BAZ2B: variants seen among roughly 807,000 people sequenced by gnomAD.
The protein encoded by BAZ2B is bromodomain adjacent to zinc finger domain 2B.
A neutral mutation model predicts 246.0 loss-of-function variants in BAZ2B; 91 were observed. The ratio of observed to expected loss-of-function variants is 0.37; its 90% CI spans 0.31 to 0.44. BAZ2B has a LOEUF of 0.44. Among genes scored for constraint, BAZ2B ranks in the 20% least tolerant of loss-of-function variants. BAZ2B has a pLI of 1.00. For missense variants in BAZ2B, 2,332 were observed against 2,533.7 expected (o/e 0.92, Z 1.71); for synonymous variants, 855 against 860.0 (o/e 0.99, Z 0.10).
the BAZ2B span, among the ~76,000 whole-genome samples, chr2:159,634,428 T>C: frequency 1.2e-4 from 18 of 152,190 alleles, no homozygotes; most frequent in Middle Eastern, 3.2e-3. Context: ...CTCATACCCT[T>C]GCCATAGAAA....
chr2:159,494,463 T>C (rs1346463048), intron 2 of BAZ2B, among the ~76,000 whole-genome samples: 1 of 152,214 alleles, frequency 6.6e-6, no homozygotes, highest in Non-Finnish European at 1.5e-5. Context: ...AGTACATTTA[T>C]ATAAACATAC....
chr2:159,625,891 A>T, the BAZ2B span, among the ~76,000 whole-genome samples: 1 of 152,184 alleles, frequency 6.6e-6, no homozygotes, highest in Non-Finnish European at 1.5e-5. Flanking sequence ...AAATGGATAA[A>T]GAGTCAAGAC....
chr2:159,491,072 T>C (rs945395031), intron 2 of BAZ2B, among the ~76,000 whole-genome samples: 1 of 152,222 alleles, frequency 6.6e-6, no homozygotes, highest in African/African-American at 2.4e-5. Flanking sequence ...ATTAAGTTTA[T>C]ATAAATTTTA....
At chr2:159,621,032 C>G (rs148916447), upstream of BAZ2B, among the ~76,000 whole-genome samples, 1 of 152,054 alleles carries the variant, frequency 6.6e-6, no homozygotes, top group African/African-American at 2.4e-5. Context: ...AGTTTGGTGA[C>G]TAACTGAAAA....
At chr2:159,652,952 T>A in the BAZ2B span, among the ~76,000 whole-genome samples, 1 of 151,998 alleles carries the variant, frequency 6.6e-6, no homozygotes, top group South Asian at 2.1e-4. Context: ...TTTATTTTTT[T>A]TTTGAGGTGG....
the BAZ2B span, among the ~76,000 whole-genome samples, chr2:159,627,004 G>C: frequency 6.6e-6 from 1 of 152,132 alleles, no homozygotes; most frequent in Non-Finnish European, 1.5e-5. Context: ...TGATACCATA[G>C]ACATACAAAC....
At chr2:159,445,776 T>C (rs2074142045) in intron 6 of BAZ2B, among the ~76,000 whole-genome samples, 1 of 152,102 alleles carries the variant, frequency 6.6e-6, no homozygotes, top group East Asian at 1.9e-4. Context: ...AAGCCACCCA[T>C]TGGCAGCCAC....
At position 159,429,269 on chromosome 2, in the gene BAZ2B, A is replaced by C. The variant is rs1248781392; in HGVS notation, c.2195-9T>G. 1.3e-6 allele frequency: 2 copies of C among 1,529,314 alleles called. No homozygotes were observed. The highest frequency in any genetic ancestry group is 3.5e-5 in the Admixed American group (2 of 56,792). The allele number at this position is 1,529,314 out of a possible 1,614,324, so 94.7% of individuals were successfully genotyped here. On this transcript the variant is annotated splice_polypyrimidine_tract_variant and intron_variant, in intron 10 of 36. Transcript: ENST00000392783. ...TCTTCTTTTGGAAGTGCCTTTAAAA[A>C]AATTCAATTGGTTAATATAAAACAT... is the stretch of plus-strand genomic sequence containing the variant.
At chr2:159,614,361 T>A (rs1695394666) in intron 1 of BAZ2B, among the ~76,000 whole-genome samples, 3 of 152,188 alleles carry the variant, frequency 2.0e-5, no homozygotes, top group Admixed American at 1.3e-4. Context: ...AAATACTCAA[T>A]AATTGTTTGA....
At chr2:159,566,123 T>C (rs1253862048) in intron 1 of BAZ2B, among the ~76,000 whole-genome samples, 1 of 152,166 alleles carries the variant, frequency 6.6e-6, no homozygotes, top group Non-Finnish European at 1.5e-5. Flanking sequence ...GCGATTCTCC[T>C]GCCTCAGCCT....
intron 1 of BAZ2B, among the ~76,000 whole-genome samples, chr2:159,599,953 A>AG (rs1691740466): frequency 7.0e-6 from 1 of 143,280 alleles, no homozygotes; most frequent in Admixed American, 7.0e-5. Flanking sequence ...AAAAAAAAAA[A>AG]GAAAAGAAAA....
chr2:159,555,090 ATTTT>A (rs72324855), intron 2 of BAZ2B, among the ~76,000 whole-genome samples: 63 of 93,828 alleles, frequency 6.7e-4, no homozygotes, highest in Admixed American at 4.3e-4. Context: ...GTGTGTGTGT[ATTTT>A]TTTTTTTTTT....
intron 1 of BAZ2B, among the ~76,000 whole-genome samples, chr2:159,571,722 T>C (rs1684054338): frequency 6.6e-6 from 1 of 152,194 alleles, no homozygotes; most frequent in African/African-American, 2.4e-5. Context: ...TTCTGGAGGC[T>C]GGGAAGTCCA....
At chr2:159,448,121 C>G (rs1577139832) in intron 5 of BAZ2B, 121 bp downstream of exon 5, 1 of 1,135,220 alleles carries the variant, frequency 8.8e-7, no homozygotes, top group African/African-American at 1.6e-5. Flanking sequence ...GAGACCTTGT[C>G]TCTATTAAAA....
In BAZ2B at chr2:159,415,983, A is replaced by G. The variant is rs76848953; in HGVS notation, c.2467-3438T>C. ...GCTGAGTGAGGTTGAATAGACAGCA[A>G]AGAACAGACTGTGATTCAAACCCAT... On this transcript the variant is annotated intron_variant, in intron 13 of 36. Transcript: ENST00000392783. 4.6e-5 allele frequency among the ~76,000 whole-genome samples: 7 copies of G among 152,320 alleles called. No homozygotes were observed. The East Asian group carries it at 1.4e-3, about 29-fold the overall frequency.
chr2:159,612,404 T>C (rs1694902905), intron 1 of BAZ2B, among the ~76,000 whole-genome samples: 1 of 152,094 alleles, frequency 6.6e-6, no homozygotes, highest in Non-Finnish European at 1.5e-5. Context: ...AAATCAAATA[T>C]ATTAATAATC....
chr2:159,639,487 TAGAC>T, the BAZ2B span, among the ~76,000 whole-genome samples: 8 of 152,180 alleles, frequency 5.3e-5, no homozygotes, highest in East Asian at 1.9e-4. Flanking sequence ...TTTCTAGACA[TAGAC>T]AGTTAGAGTG....
chr2:159,393,746 T>C (rs2063630093), intron 20 of BAZ2B, among the ~76,000 whole-genome samples: 1 of 152,162 alleles, frequency 6.6e-6, no homozygotes, highest in African/African-American at 2.4e-5. Context: ...AGTATATCCT[T>C]TTCCTCTTGA....
At chr2:159,583,287 G>A (rs779946424) in intron 1 of BAZ2B, among the ~76,000 whole-genome samples, 7 of 151,850 alleles carry the variant, frequency 4.6e-5, no homozygotes, top group African/African-American at 1.2e-4. Flanking sequence ...GCTAATTTTT[G>A]TATTTTTAGT....
Sources: allele counts gnomAD v4.1 joint callset (sites outside exome capture counted in the v4.1 genomes callset), GRCh38; gene constraint gnomAD v4.1.1; transcripts MANE v1.5; gene names NCBI Gene and HGNC (gene_info 2026-07-23, HGNC 2026-07-21).